The following SNTG1 variants were observed in gnomAD, a reference collection of about 807,000 sequenced individuals.
SNTG1 encodes the protein gamma-1-syntrophin.
In SNTG1, 39 loss-of-function variants were observed where a neutral mutation model predicts 74.7. The observed-to-expected ratio is 0.52, with a 90% CI of 0.40 to 0.68. The LOEUF (loss-of-function observed/expected upper bound fraction) is 0.68, where lower values mean the gene tolerates loss of function less well. Ranked by LOEUF, SNTG1 falls within the 30% of genes least tolerant of loss-of-function variation. SNTG1 has a pLI of 0.00. For missense variants in SNTG1, 685 were observed against 609.5 expected (o/e 1.12, Z -1.30); for synonymous variants, 254 against 217.1 (o/e 1.17, Z -1.49).
intron 13 of SNTG1, among the ~76,000 whole-genome samples, chr8:50,612,026 G>A (rs2094853959): frequency 6.6e-6 from 1 of 152,114 alleles, no homozygotes. Flanking sequence ...CCAAAGTGCT[G>A]GGATTGCAGG....
chr8:50,065,761 G>T (rs1045583178), intron 1 of SNTG1, among the ~76,000 whole-genome samples: 1 of 152,134 alleles, frequency 6.6e-6, no homozygotes, highest in Admixed American at 6.6e-5. Context: ...AATATGGAGG[G>T]TATTTGCCAA....
chr8:50,710,066 T>C (rs2095457369), intron 17 of SNTG1, among the ~76,000 whole-genome samples: 1 of 152,204 alleles, frequency 6.6e-6, no homozygotes, highest in Non-Finnish European at 1.5e-5. Flanking sequence ...CCAGGTAGGA[T>C]GCCGCCCTGT....
intron 4 of SNTG1, among the ~76,000 whole-genome samples, chr8:50,434,247 C>T (rs1344172327): frequency 6.6e-6 from 1 of 152,142 alleles, no homozygotes; most frequent in Non-Finnish European, 1.5e-5. Context: ...GCATAGTATT[C>T]CATGGTATAT....
intron 1 of SNTG1, among the ~76,000 whole-genome samples, chr8:50,029,855 T>A (rs1817596822): frequency 6.6e-6 from 1 of 152,122 alleles, no homozygotes; most frequent in Non-Finnish European, 1.5e-5. Flanking sequence ...TTCTTTTGTG[T>A]ATATACCCAG....
At chr8:50,273,374 A>G (rs867560229) in intron 2 of SNTG1, among the ~76,000 whole-genome samples, 17 of 152,330 alleles carry the variant, frequency 1.1e-4, no homozygotes, top group African/African-American at 4.1e-4. Context: ...CATTTGACAC[A>G]TTGATGTGGC....
At chr8:50,618,824 T>C (rs977340687) in intron 13 of SNTG1, among the ~76,000 whole-genome samples, 9 of 152,154 alleles carry the variant, frequency 5.9e-5, no homozygotes, top group Non-Finnish European at 1.2e-4. Flanking sequence ...TATGGCTGTT[T>C]GCTTTTCAAG....
intron 1 of SNTG1, among the ~76,000 whole-genome samples, chr8:49,980,609 C>T (rs949759002): frequency 6.6e-6 from 1 of 150,890 alleles, no homozygotes; most frequent in Non-Finnish European, 1.5e-5. Flanking sequence ...GCTGCCCAGC[C>T]GACTCCACTC....
chr8:50,374,304 A>G (rs1202105499), intron 2 of SNTG1, among the ~76,000 whole-genome samples: 2 of 152,218 alleles, frequency 1.3e-5, no homozygotes, highest in Non-Finnish European at 2.9e-5. Context: ...TAAAATATCA[A>G]GGTTGCTATT....
chr8:50,792,107 A>G (rs949704368), intron 18 of SNTG1, among the ~76,000 whole-genome samples: 1 of 151,454 alleles, frequency 6.6e-6, no homozygotes, highest in South Asian at 2.1e-4. Context: ...TAAATATGCC[A>G]CATAAACCAT....
chr8:50,555,037 GAA>G (rs1191873765), intron 12 of SNTG1, among the ~76,000 whole-genome samples: 1 of 152,064 alleles, frequency 6.6e-6, no homozygotes, highest in Non-Finnish European at 1.5e-5. Flanking sequence ...ACAAGCATTT[GAA>G]AAGTCAATGC....
intron 8 of SNTG1, among the ~76,000 whole-genome samples, chr8:50,472,739 T>C (rs1202627061): frequency 6.6e-6 from 1 of 152,044 alleles, no homozygotes; most frequent in Non-Finnish European, 1.5e-5. Context: ...AGGCAACCTA[T>C]GGAATGGCAT....
intron 2 of SNTG1, chr8:50,286,604 C>G (rs145021207): frequency 3.3e-5 from 5 of 152,196 alleles, no homozygotes; most frequent in African/African-American, 9.7e-5. Flanking sequence ...GAATGAAGAC[C>G]TAAGCTGAGC....
At chr8:50,556,091 G>T (rs1310236032) in intron 12 of SNTG1, among the ~76,000 whole-genome samples, 1 of 151,936 alleles carries the variant, frequency 6.6e-6, no homozygotes. Context: ...GATCATAATG[G>T]CTAAAAATAC....
At chr8:50,266,258 G>A (rs966149501) in intron 2 of SNTG1, among the ~76,000 whole-genome samples, 4 of 151,994 alleles carry the variant, frequency 2.6e-5, no homozygotes, top group Non-Finnish European at 4.4e-5. Flanking sequence ...CAATAGAATA[G>A]AATTAAAATT....
chr8:50,410,938 G>A (rs1365081057), intron 4 of SNTG1, among the ~76,000 whole-genome samples: 1 of 152,088 alleles, frequency 6.6e-6, no homozygotes, highest in Non-Finnish European at 1.5e-5. Context: ...TATAAAATTT[G>A]ACCCATTCTA....
chr8:50,332,037 T>C (rs563694889), intron 2 of SNTG1, among the ~76,000 whole-genome samples: 1 of 152,366 alleles, frequency 6.6e-6, no homozygotes, highest in East Asian at 1.9e-4. Flanking sequence ...TCTGAGGCCA[T>C]GCTGTTAAGT....
At chr8:50,471,850 A>T (rs2093656538) in intron 8 of SNTG1, among the ~76,000 whole-genome samples, 1 of 152,234 alleles carries the variant, frequency 6.6e-6, no homozygotes, top group Non-Finnish European at 1.5e-5. Flanking sequence ...GAACTAATAA[A>T]TTTAGCAAAG....
At chr8:50,502,734 G>T in intron 8 of SNTG1, 44 bp from the exon 9 acceptor site, 1 of 1,489,988 alleles carries the variant, frequency 6.7e-7, no homozygotes, top group South Asian at 1.2e-5. Flanking sequence ...CATATAACAT[G>T]ATAAATGTAA....
intron 1 of SNTG1, among the ~76,000 whole-genome samples, chr8:50,100,312 T>C (rs2080074934): frequency 6.6e-6 from 1 of 152,034 alleles, no homozygotes; most frequent in Non-Finnish European, 1.5e-5. Context: ...TATTAAAGGA[T>C]GCAAAATTAC....
Sources: gnomAD v4.1 joint callset for allele counts (sites outside exome capture counted in the v4.1 genomes callset) on GRCh38, gnomAD v4.1.1 for gene constraint, MANE v1.5 for transcripts, NCBI Gene and HGNC (gene_info 2026-07-23, HGNC 2026-07-21) for gene names.